STOML1: variants seen among roughly 807,000 people sequenced by gnomAD.
STOML1 encodes the protein stomatin-like protein 1.
Under a neutral mutation model 35.7 loss-of-function variants are expected in STOML1, and 27 were observed. The ratio of observed to expected loss-of-function variants is 0.76; its 90% CI spans 0.56 to 1.04. The LOEUF (loss-of-function observed/expected upper bound fraction) is 1.04. STOML1 is among the 50% of genes least tolerant of loss of function. The pLI, the probability that STOML1 is intolerant of heterozygous loss-of-function variation, is 0.00. For missense variants in STOML1, 451 were observed against 527.1 expected (o/e 0.86, Z 1.41); for synonymous variants, 219 against 227.9 (o/e 0.96, Z 0.35).
upstream of STOML1, chr15:73,992,437 T>C: frequency 2.3e-6 from 1 of 426,384 alleles, no homozygotes; most frequent in Non-Finnish European, 3.9e-6. Context: ...AGCCCAGGGC[T>C]ACTGGGTGTG....
chr15:73,993,853 A>C (rs2069357573), upstream of STOML1, among the ~76,000 whole-genome samples: 2 of 150,610 alleles, frequency 1.3e-5, no homozygotes, highest in Non-Finnish European at 3.0e-5. Context: ...CCCTCTTCAT[A>C]CCCGCTCTCC....
chr15:73,990,855 C>T (rs1468196162), intron 1 of STOML1: 1 of 1,535,684 alleles, frequency 6.5e-7, no homozygotes, highest in Non-Finnish European at 8.7e-7. Context: ...TGTAAACATG[C>T]ACTGAATACT....
In STOML1 at chr15:73,984,863, C is replaced by A. The variant is rs542131111; in HGVS notation, c.799G>T (p.Val267Leu). 5 of 1,613,948 alleles carry A rather than the reference C, an allele frequency of 3.1e-6. No individual in the cohort carries two copies. In the South Asian group the frequency reaches 5.5e-5, roughly 18 times the overall value. The change falls in exon 6 of 7, where the codon GTG becomes TTG. Residue 267 changes from valine to leucine, a missense_variant. Physicochemically the swap from Val to Leu is conservative, Grantham distance 32 (BLOSUM62 1). Coordinates refer to ENST00000541638, the MANE Select transcript of STOML1 (RefSeq NM_004809.5). ...GGCTCAACTTCACTCACCATCTCCA[C>A]GGTGTCTGCTGGGGGTGGCCAACAG... ...GAPSPGPADTVEMVSEVEPPA... is the reference protein window; with the variant it reads ...GAPSPGPADTLEMVSEVEPPA...
In STOML1 at chr15:73,989,166, A is replaced by G. The variant is rs770336352; in HGVS notation, c.332T>C (p.Ile111Thr). 70 of 1,612,814 alleles carry G rather than the reference A, an allele frequency of 4.3e-5. 1 individual carries two copies. The South Asian group carries it at 4.7e-4, about 11-fold the overall frequency. Residue 111 changes from isoleucine to threonine, a missense_variant, in exon 3 of 7, where the codon ATT (isoleucine) becomes ACT (threonine). Physicochemically the swap from Ile to Thr is moderately conservative, Grantham distance 89. Transcript: ENST00000541638. ...GPGMVLLLPF[I>T]DSFQRVDLRT... The stretch of plus-strand genomic sequence containing the variant: ...CAGATCCACCCTCTGAAAGGAGTCA[A>G]TGAAGGGCAAGAGCAGAACCATGCC...
At position 73,980,618 on chromosome 15, in the gene STOML1, A is replaced by C. The variant is rs1460901251; in HGVS notation, c.*3319T>G. ...ATTTTCTTGCATATATTTTTTTTTA[A>C]AAAACAAAACCTTCAGGAAGAATTA... On this transcript the variant is annotated 3_prime_UTR_variant, in exon 7 of 7. Coordinates refer to ENST00000541638, the MANE Select transcript of STOML1 (RefSeq NM_004809.5). 1 of 152,212 alleles carries C rather than the reference A, an allele frequency of 6.6e-6. No individual in the cohort carries two copies. Among genetic ancestry groups the C allele is most frequent in the African/African-American group, 2.4e-5 (1 of 41,442 alleles). The allele number at this position is 152,212 out of a possible 1,614,324, so 9.4% of individuals were successfully genotyped here. A position where few individuals can be genotyped will look rare whatever the true frequency, so the allele number is the denominator to read the frequency against.
In STOML1 at chr15:73,983,774, C is replaced by T. The variant is rs192208078; in HGVS notation, c.*163G>A. 24 of 747,230 alleles carry T rather than the reference C, an allele frequency of 3.2e-5. No individual in the cohort carries two copies. Among genetic ancestry groups the T allele is most frequent in the Admixed American group, 2.1e-4 (7 of 33,936 alleles). 46.3% of individuals were successfully genotyped at this position (747,230 alleles called of 1,614,324 possible). A position where few individuals can be genotyped will look rare whatever the true frequency, so the allele number is the denominator to read the frequency against. On this transcript the variant is annotated 3_prime_UTR_variant, in exon 7 of 7. Coordinates refer to ENST00000541638, the MANE Select transcript of STOML1 (RefSeq NM_004809.5). ...CTGTAGGGGAGACGTGCATGGCAGC[C>T]GGACTCAGCCTCCTGCAGCCTCCAT...
chr15:73,985,538 G>A lies in STOML1; in HGVS notation c.595-25C>T, dbSNP rs1314182238. 3.9e-6 allele frequency: 6 copies of A among 1,534,856 alleles called. No homozygotes were observed. The African/African-American group carries it at 8.4e-5, about 21-fold the overall frequency. ...GCTGGAGGACAGTGTGAGGAGAAATGTAATTAATTCAACAAACCTTTCCTG... is the reference window on the plus strand; with the variant it reads ...GCTGGAGGACAGTGTGAGGAGAAATATAATTAATTCAACAAACCTTTCCTG... On this transcript the variant is annotated intron_variant, in intron 4 of 6. Coordinates refer to ENST00000541638, the MANE Select transcript of STOML1 (RefSeq NM_004809.5).
rs201806169 is a variant in STOML1 at position 73,992,243 on chromosome 15, G to A, written c.-20C>T. ...GAGCATGGCTTTTGACAGGAGACACGCCCCGCGCCTCCGCGCGGCGCCCTC... is the reference window on the plus strand; with the variant it reads ...GAGCATGGCTTTTGACAGGAGACACACCCCGCGCCTCCGCGCGGCGCCCTC... On this transcript the variant is annotated 5_prime_UTR_variant, in exon 1 of 7. Coordinates refer to ENST00000541638, the MANE Select transcript of STOML1 (RefSeq NM_004809.5). The A allele has an allele frequency of 8.2e-6, 13 of 1,580,302 alleles. No individual in the cohort carries two copies. The highest frequency in any genetic ancestry group is 1.7e-4 in the Middle Eastern group (1 of 5,816).
intron 4 of STOML1, chr15:73,986,943 T>C (rs1359557215): frequency 1.3e-5 from 2 of 153,682 alleles, no homozygotes; most frequent in Non-Finnish European, 1.4e-5. Flanking sequence ...CATCCTGGGA[T>C]AGCAGGGGGC....
chr15:73,990,940 C>G, intron 1 of STOML1: 1 of 1,507,746 alleles, frequency 6.6e-7, no homozygotes, highest in East Asian at 2.5e-5. Flanking sequence ...AAGATGATGC[C>G]TTAGCCTACA....
intron 4 of STOML1, 93 bp from the exon 5 acceptor site, chr15:73,985,606 G>C: frequency 1.4e-6 from 2 of 1,412,964 alleles, no homozygotes; most frequent in Non-Finnish European, 9.5e-7. Context: ...CATGGACATG[G>C]AGGCACCACA....
At chr15:73,991,948 C>T (rs1239927188) in intron 1 of STOML1, 143 bp downstream of exon 1, 2 of 1,289,830 alleles carry the variant, frequency 1.6e-6, no homozygotes, top group East Asian at 2.5e-5. Context: ...GGTCCAGCCC[C>T]CTCTCCACAT....
At position 73,988,998 on chromosome 15, in the gene STOML1, C is replaced by T. The variant is rs141638155; in HGVS notation, c.390+110G>A. On this transcript the variant is annotated intron_variant, in intron 3 of 6. Coordinates refer to ENST00000541638, the MANE Select transcript of STOML1 (RefSeq NM_004809.5). This position sits in a 1 kb window ranked among gnomAD's most constrained non-coding sequence, Gnocchi z 4.8. ...GCTTCCATCAATTTTCTGGTCTCTT[C>T]TTCCCCCTTCCCCCCTCAGATGGTG... is the stretch of plus-strand genomic sequence containing the variant. The T allele has an allele frequency of 2.8e-5, 42 of 1,496,138 alleles. No homozygotes were observed. The East Asian group carries it at 9.4e-4, about 33-fold the overall frequency. The allele number at this position is 1,496,138 out of a possible 1,614,324, so 92.7% of individuals were successfully genotyped here. A position where few individuals can be genotyped will look rare whatever the true frequency, so the allele number is the denominator to read the frequency against.
chr15:73,990,087 A>C (rs1463967171), intron 2 of STOML1: 1 of 396,356 alleles, frequency 2.5e-6, no homozygotes, highest in Non-Finnish European at 4.6e-6. Context: ...ATCTGCGTGT[A>C]CCTTAAAGCC....
intron 5 of STOML1, among the ~76,000 whole-genome samples, 166 bp downstream of exon 5, chr15:73,985,152 C>T (rs1261805307): frequency 3.3e-5 from 5 of 152,212 alleles, no homozygotes; most frequent in Admixed American, 3.3e-4. Flanking sequence ...CCAATGGCCT[C>T]TACACACTCA....
intron 1 of STOML1, among the ~76,000 whole-genome samples, chr15:73,991,327 C>T (rs1379453270): frequency 6.6e-6 from 1 of 152,244 alleles, no homozygotes; most frequent in Non-Finnish European, 1.5e-5. Flanking sequence ...TTGCCGCTTT[C>T]CTCCCAACCC....
chr15:73,983,790 C>T lies in STOML1; in HGVS notation c.*147G>A. 1.1e-6 allele frequency: 1 copy of T among 890,000 alleles called. No homozygotes were observed. The highest frequency in any genetic ancestry group is 1.7e-6 in the Non-Finnish European group (1 of 595,870). The allele number at this position is 890,000 out of a possible 1,614,324, so 55.1% of individuals were successfully genotyped here. On this transcript the variant is annotated 3_prime_UTR_variant, in exon 7 of 7. Transcript: ENST00000541638. ...CATGGCAGCCGGACTCAGCCTCCTG[C>T]AGCCTCCATTCATGGGCTCTTGGCT... is the stretch of plus-strand genomic sequence containing the variant.
At chr15:73,987,672 TC>T (rs2069139815) in intron 4 of STOML1, 1 of 152,302 alleles carries the variant, frequency 6.6e-6, no homozygotes, top group African/African-American at 2.4e-5. Context: ...CAGAGGCAAG[TC>T]AAATTATTTC....
chr15:73,989,199 TG>T lies in STOML1; in HGVS notation c.298del (p.Gln100ArgfsTer20). 1 of 1,612,314 alleles carries T rather than the reference TG, an allele frequency of 6.2e-7. No homozygotes were observed. Among genetic ancestry groups the T allele is most frequent in the Non-Finnish European group, 8.5e-7 (1 of 1,178,990 alleles). On this transcript the variant is annotated frameshift_variant, in exon 3 of 7. Transcript: ENST00000541638. LOFTEE classifies it high-confidence loss of function. The part of the protein sequence containing the change: ...VFRLGRIRTP[Q>X]GPGMVLLLPF... ...CAAGAGCAGAACCATGCCAGGTCCC[TG>T]GGGGGTGCGGATCCGGCCCAGGCGG...
Sources: allele counts gnomAD v4.1 joint callset (sites outside exome capture counted in the v4.1 genomes callset), GRCh38; gene constraint gnomAD v4.1.1; non-coding constraint Gnocchi (gnomAD v3.1); transcripts MANE v1.5; gene names NCBI Gene and HGNC (gene_info 2026-07-23, HGNC 2026-07-21).